The following KIAA1614 variants were observed in gnomAD, a reference collection of about 807,000 sequenced individuals.
The protein encoded by KIAA1614 is uncharacterized protein KIAA1614.
A neutral mutation model predicts 88.7 loss-of-function variants in KIAA1614; 76 were observed. The ratio of observed to expected loss-of-function variants is 0.86; its 90% CI spans 0.71 to 1.04. The LOEUF (loss-of-function observed/expected upper bound fraction) is 1.04. Ranked by LOEUF, KIAA1614 falls within the 50% of genes least tolerant of loss-of-function variation. KIAA1614 has a pLI of 0.00. For synonymous variants in KIAA1614, 714 were observed against 675.5 expected, an observed-to-expected ratio of 1.06 and a Z score of -0.88; for missense variants, 1,553 against 1,582.5, an observed-to-expected ratio of 0.98 and a Z score of 0.32.
intron 6 of KIAA1614, 33 bp from the exon 7 acceptor site, chr1:180,941,012 C>T: frequency 8.3e-7 from 1 of 1,199,052 alleles, no homozygotes; most frequent in African/African-American, 1.6e-5. Context: ...CCCGGCCCTC[C>T]CCCGCCCCCT....
Position 180,935,410 on chromosome 1 carries a change from GC to G in KIAA1614, c.1502del (p.Ala501ValfsTer76). The G allele has an allele frequency of 6.8e-7, 1 of 1,472,230 alleles. No homozygotes were observed. The highest frequency in any genetic ancestry group is 8.9e-7 in the Non-Finnish European group (1 of 1,118,188). The allele number at this position is 1,472,230 out of a possible 1,614,324, so 91.2% of individuals were successfully genotyped here. A position where few individuals can be genotyped will look rare whatever the true frequency, so the allele number is the denominator to read the frequency against. On this transcript the variant is annotated frameshift_variant, in exon 5 of 9. Coordinates refer to ENST00000367588, the MANE Select transcript of KIAA1614 (RefSeq NM_020950.2). LOFTEE classifies it high-confidence loss of function. This position sits in a 1 kb window ranked among gnomAD's most constrained non-coding sequence, Gnocchi z 6.1. ...KPDLADYINGAPRLRDAGQGT... is the reference protein window; with the variant it reads ...KPDLADYINGXPRLRDAGQGT... ...CGACCTCGCCGACTACATCAACGGG[GC>G]TCCCCGGCTCCGGGACGCGGGGCAG...
rs887591246 is a variant in KIAA1614, at chr1:180,948,015, C to A, written c.*2427C>A. Reference sequence around the variant, plus strand: ...GCTCCCTTGTAGGCAGTGGGAGCCCCTCCCTGTCACCCGTCAGGGAGCTCT... The same window carrying A: ...GCTCCCTTGTAGGCAGTGGGAGCCCATCCCTGTCACCCGTCAGGGAGCTCT... On this transcript the variant is annotated 3_prime_UTR_variant, in exon 9 of 9. Transcript: ENST00000367588. 10 of 152,212 alleles carry A rather than the reference C, an allele frequency of 6.6e-5. No homozygotes were observed. Among genetic ancestry groups the A allele is most frequent in the African/African-American group, 2.4e-4 (10 of 41,450 alleles). The allele number at this position is 152,212 out of a possible 1,614,324, so 9.4% of individuals were successfully genotyped here.
intron 7 of KIAA1614, 78 bp downstream of exon 7, chr1:180,941,363 G>A: frequency 6.6e-7 from 1 of 1,516,684 alleles, no homozygotes; most frequent in East Asian, 2.3e-5. Flanking sequence ...TGAAAGGAGG[G>A]AGGAGGTGAT....
intron 3 of KIAA1614, 41 bp downstream of exon 3, chr1:180,917,955 A>G (rs1030384232): frequency 1.5e-5 from 23 of 1,534,552 alleles, no homozygotes; most frequent in Non-Finnish European, 2.1e-5. Flanking sequence ...CTCCCTCCTC[A>G]CCATGGTCCC....
intron 4 of KIAA1614, among the ~76,000 whole-genome samples, chr1:180,934,329 C>G (rs552894445): frequency 1.3e-4 from 20 of 151,842 alleles, no homozygotes; most frequent in Non-Finnish European, 2.6e-4. Context: ...TGGTGCACAC[C>G]TGTAATACCA....
chr1:180,917,693 C>T (rs866928009), intron 2 of KIAA1614, among the ~76,000 whole-genome samples, 158 bp from the exon 3 acceptor site: 2 of 152,160 alleles, frequency 1.3e-5, no homozygotes, highest in Non-Finnish European at 2.9e-5. Flanking sequence ...CAGCAGTCAT[C>T]GTGACAGGCT....
Position 180,913,192 on chromosome 1 carries a change from C to T in KIAA1614, c.-52C>T, listed in dbSNP as rs1048141908. The T allele has an allele frequency of 5.0e-5, 61 of 1,214,236 alleles. No individual in the cohort carries two copies. The highest frequency in any genetic ancestry group is 5.7e-5 in the Non-Finnish European group (55 of 957,972). 75.2% of individuals were successfully genotyped at this position (1,214,236 alleles called of 1,614,324 possible). The stretch of plus-strand genomic sequence containing the variant: ...GCTGGAAGTCCCTCCCCGAACCCAG[C>T]AGCTGGCCTGGGAGGGAGAAGGGGC... On this transcript the variant is annotated 5_prime_UTR_variant, in exon 1 of 9. Coordinates refer to ENST00000367588, the MANE Select transcript of KIAA1614 (RefSeq NM_020950.2).
At chr1:180,915,395 G>A (rs113743578) in intron 1 of KIAA1614, among the ~76,000 whole-genome samples, 8 of 152,226 alleles carry the variant, frequency 5.3e-5, no homozygotes, top group African/African-American at 1.2e-4. Context: ...TAGCAGATGC[G>A]GGCATCCTCC....
chr1:180,941,009 C>A, intron 6 of KIAA1614, 36 bp from the exon 7 acceptor site: 11 of 837,164 alleles, frequency 1.3e-5, no homozygotes, highest in Middle Eastern at 4.3e-4. Context: ...CCTCCCGGCC[C>A]TCCCCCGCCC....
Position 180,935,490 on chromosome 1 carries a change from G to A in KIAA1614, c.1581G>A (p.Pro527=). The part of the protein sequence containing the change: ...GSLDRRGHPA[P]PAPGSERRCQ... ...TGGACCGCAGGGGACACCCGGCACC[G>A]CCGGCACCGGGCAGCGAGAGGAGGT... Residue 527 remains proline (P), a synonymous_variant, in exon 5 of 9, where the codon CCG becomes CCA. Coordinates refer to ENST00000367588, the MANE Select transcript of KIAA1614 (RefSeq NM_020950.2). This position sits in a 1 kb window ranked among gnomAD's most constrained non-coding sequence, Gnocchi z 6.1. 2 of 1,489,470 alleles carry A rather than the reference G, an allele frequency of 1.3e-6. No homozygotes were observed. Among genetic ancestry groups the A allele is most frequent in the South Asian group, 1.3e-5 (1 of 74,296 alleles). 92.3% of individuals were successfully genotyped at this position (1,489,470 alleles called of 1,614,324 possible).
Position 180,950,508 on chromosome 1 carries a change from T to C in KIAA1614, c.*4920T>C. Reference sequence around the variant, plus strand: ...TCAGAGAGCTTGTCAATCCGTGTCCTGAGGCAGAGACCTGTCCCACGGTGA... The same window carrying C: ...TCAGAGAGCTTGTCAATCCGTGTCCCGAGGCAGAGACCTGTCCCACGGTGA... On this transcript the variant is annotated 3_prime_UTR_variant, in exon 9 of 9. Coordinates refer to ENST00000367588, the MANE Select transcript of KIAA1614 (RefSeq NM_020950.2). 6.2e-6 allele frequency: 7 copies of C among 1,128,450 alleles called. No homozygotes were observed. Among genetic ancestry groups the C allele is most frequent in the Non-Finnish European group, 7.7e-6 (7 of 907,616 alleles). 69.9% of individuals were successfully genotyped at this position (1,128,450 alleles called of 1,614,324 possible). A position where few individuals can be genotyped will look rare whatever the true frequency, so the allele number is the denominator to read the frequency against.
At chr1:180,945,140 T>C in intron 8 of KIAA1614, 163 bp from the exon 9 acceptor site, 3 of 765,528 alleles carry the variant, frequency 3.9e-6, no homozygotes, top group Non-Finnish European at 5.8e-6. Context: ...ACCCACCAGT[T>C]TTGGCCCTAG....
At chr1:180,938,743 AAGG>A (rs1442528141) in intron 6 of KIAA1614, 32 bp downstream of exon 6, 1 of 1,608,826 alleles carries the variant, frequency 6.2e-7, no homozygotes, top group South Asian at 1.1e-5. Context: ...CAGATTGCAG[AAGG>A]AGGTGGGAAT....
intron 3 of KIAA1614, among the ~76,000 whole-genome samples, chr1:180,919,099 C>T (rs1404946813): frequency 6.6e-6 from 1 of 152,144 alleles, no homozygotes; most frequent in Non-Finnish European, 1.5e-5. Context: ...CTCCTGACAC[C>T]CTCACACTGG....
At chr1:180,919,595 C>T (rs1268035100) in intron 3 of KIAA1614, among the ~76,000 whole-genome samples, 1 of 152,166 alleles carries the variant, frequency 6.6e-6, no homozygotes, top group African/African-American at 2.4e-5. Flanking sequence ...ACACTTCCTC[C>T]CTCGATGAGG....
At chr1:180,916,091 C>T (rs982773933) in intron 1 of KIAA1614, 63 bp from the exon 2 acceptor site, 27 of 1,347,402 alleles carry the variant, frequency 2.0e-5, no homozygotes, top group African/African-American at 1.7e-4. Flanking sequence ...TTTGGGGCCC[C>T]GGGAGGTTGT....
At position 180,943,548 on chromosome 1, in the gene KIAA1614, ATC is replaced by A. The variant is rs1300791819; in HGVS notation, c.3160-839_3160-838del. On this transcript the variant is annotated intron_variant, in intron 7 of 8. Coordinates refer to ENST00000367588, the MANE Select transcript of KIAA1614 (RefSeq NM_020950.2). ...GGATTGTAGGATTGAATGGTAGTAG[ATC>A]TTTTTTTTTTTTTTTTGAGACAGGG... 6.7e-5 allele frequency among the ~76,000 whole-genome samples: 5 copies of A among 74,858 alleles called. 1 individual carries two copies. The highest frequency in any genetic ancestry group is 3.9e-4 in the East Asian group (1 of 2,592). The allele number at this position is 74,858 out of a possible 152,430, so 49.1% of individuals were successfully genotyped here. A position where few individuals can be genotyped will look rare whatever the true frequency, so the allele number is the denominator to read the frequency against.
In KIAA1614 at chr1:180,935,392, G is replaced by T; in HGVS notation, c.1483G>T (p.Ala495Ser). The change falls in exon 5 of 9, where the codon GCC becomes TCC. Residue 495 changes from alanine (A) to serine (S), a missense_variant. Physicochemically the swap from Ala to Ser is moderately conservative, Grantham distance 99. Transcript: ENST00000367588. This position sits in a 1 kb window ranked among gnomAD's most constrained non-coding sequence, Gnocchi z 6.1. ...CCCCCTGCGCTCCAAGCCCGACCTC[G>T]CCGACTACATCAACGGGGCTCCCCG... ...QGPLRSKPDL[A>S]DYINGAPRLR... The T allele has an allele frequency of 1.4e-6, 2 of 1,470,594 alleles. No individual in the cohort carries two copies. The highest frequency in any genetic ancestry group is 1.8e-6 in the Non-Finnish European group (2 of 1,117,498). The allele number at this position is 1,470,594 out of a possible 1,614,324, so 91.1% of individuals were successfully genotyped here.
chr1:180,948,192 G>T lies in KIAA1614; in HGVS notation c.*2604G>T, dbSNP rs1333925692. ...TCCCCACGCACATGAAGCCTGGCGA[G>T]TGCTGGGGCCTCCGTGTCCCAGGCC... On this transcript the variant is annotated 3_prime_UTR_variant, in exon 9 of 9. Transcript: ENST00000367588. 6.6e-6 allele frequency: 1 copy of T among 152,280 alleles called. No individual in the cohort carries two copies. Among genetic ancestry groups the T allele is most frequent in the Admixed American group, 6.5e-5 (1 of 15,288 alleles). The allele number at this position is 152,280 out of a possible 1,614,324, so 9.4% of individuals were successfully genotyped here. A position where few individuals can be genotyped will look rare whatever the true frequency, so the allele number is the denominator to read the frequency against.
Sources: allele counts gnomAD v4.1 joint callset (sites outside exome capture counted in the v4.1 genomes callset), GRCh38; gene constraint gnomAD v4.1.1; non-coding constraint Gnocchi (gnomAD v3.1); transcripts MANE v1.5; gene names NCBI Gene and HGNC (gene_info 2026-07-23, HGNC 2026-07-21).